NTRK3: variants seen among roughly 807,000 people sequenced by gnomAD.
NTRK3 encodes NT-3 growth factor receptor.
Under a neutral mutation model 91.7 loss-of-function variants are expected in NTRK3, and 24 were observed. That is an observed-to-expected ratio of 0.26 (90% CI 0.19 to 0.37). The LOEUF (loss-of-function observed/expected upper bound fraction) is 0.37, where lower values mean the gene tolerates loss of function less well. Ranked by LOEUF, NTRK3 falls within the 10% of genes least tolerant of loss-of-function variation. NTRK3 has a pLI of 1.00. For synonymous variants in NTRK3, 483 were observed against 404.0 expected (o/e 1.20, Z -2.34); for missense variants, 880 against 1,068.9 (o/e 0.82, Z 2.46).
chr15:88,091,585 A>G (rs551665262), intron 13 of NTRK3, among the ~76,000 whole-genome samples: 1 of 152,274 alleles, frequency 6.6e-6, no homozygotes, highest in South Asian at 2.1e-4. Context: ...GATCACACAC[A>G]TGAATTAGTG....
At chr15:88,159,723 A>G (rs1207168084) in intron 5 of NTRK3, among the ~76,000 whole-genome samples, 1 of 152,126 alleles carries the variant, frequency 6.6e-6, no homozygotes, top group Non-Finnish European at 1.5e-5. Flanking sequence ...CTGGGAACAA[A>G]TGCCATTGTT....
intron 13 of NTRK3, among the ~76,000 whole-genome samples, chr15:88,125,093 C>A (rs771063256): frequency 3.0e-4 from 45 of 152,224 alleles, no homozygotes; most frequent in Admixed American, 5.9e-4. Context: ...AATCTTCCCA[C>A]CTCAGCCTCC....
intron 5 of NTRK3, among the ~76,000 whole-genome samples, chr15:88,177,515 G>C (rs748973365): frequency 6.6e-5 from 10 of 152,326 alleles, no homozygotes; most frequent in Admixed American, 1.3e-4. Flanking sequence ...GTAAAGGAAA[G>C]AGAGGCATCA....
chr15:88,153,181 C>A lies in NTRK3; in HGVS notation c.396-5778G>T, dbSNP rs1318955591. On this transcript the variant is annotated intron_variant, in intron 5 of 18. Coordinates refer to ENST00000394480, the Ensembl canonical transcript of NTRK3. ...CACAAAGACAGCATTTTGAAAGGTG[C>A]AATTCCCTCTTTCTTAAGATCTAAC... 2.6e-5 allele frequency among the ~76,000 whole-genome samples: 4 copies of A among 152,112 alleles called. No individual in the cohort carries two copies. The East Asian group carries it at 7.7e-4, about 29-fold the overall frequency.
intron 5 of NTRK3, among the ~76,000 whole-genome samples, chr15:88,180,324 A>G (rs1458383357): frequency 1.3e-5 from 2 of 152,222 alleles, no homozygotes; most frequent in African/African-American, 2.4e-5. Flanking sequence ...CTCTCAAAAA[A>G]GGGTTTCCCT....
chr15:88,039,003 A>C (rs192135605), intron 13 of NTRK3, among the ~76,000 whole-genome samples: 1 of 152,254 alleles, frequency 6.6e-6, no homozygotes, highest in East Asian at 1.9e-4. Context: ...AGGAGGGAAA[A>C]GTAATAGGGG....
chr15:87,913,409 A>G (rs1432610480), intron 17 of NTRK3, among the ~76,000 whole-genome samples: 2 of 152,140 alleles, frequency 1.3e-5, no homozygotes, highest in Non-Finnish European at 2.9e-5. Context: ...CTGAATTGAG[A>G]GCACTGCTCA....
At chr15:88,131,592 T>G (rs1451728696) in intron 10 of NTRK3, among the ~76,000 whole-genome samples, 3 of 152,192 alleles carry the variant, frequency 2.0e-5, no homozygotes, top group African/African-American at 7.2e-5. Context: ...TTTCAGAGCC[T>G]GAGAGAAGAG....
intron 14 of NTRK3, among the ~76,000 whole-genome samples, chr15:87,983,254 G>A (rs2074450831): frequency 6.6e-6 from 1 of 152,210 alleles, no homozygotes; most frequent in African/African-American, 2.4e-5. Context: ...TGCTGGCGCT[G>A]GGGCCCTGGG....
intron 17 of NTRK3, 22 bp from the exon 18 acceptor site, chr15:87,885,757 A>G (rs2065497935): frequency 8.9e-7 from 1 of 1,123,506 alleles, no homozygotes; most frequent in Non-Finnish European, 1.2e-6. Flanking sequence ...AAACAAAACA[A>G]TAATAATATT....
chr15:87,929,200 A>G (rs750907890), exon 17 of NTRK3: 1 of 1,614,108 alleles, frequency 6.2e-7, no homozygotes, highest in Non-Finnish European at 8.5e-7. Context: ...CCCTGTAATA[A>G]TCCGTGCTGT....
Position 88,018,788 on chromosome 15 carries a change from G to T in NTRK3, c.1585+14069C>A, listed in dbSNP as rs2077413816. ...TTATTATTATATTTAAACTGATTTT[G>T]GTGCCTAAGATATAAAAAGCACTAC... On this transcript the variant is annotated intron_variant, in intron 14 of 18. Coordinates refer to ENST00000394480, the Ensembl canonical transcript of NTRK3. Among the ~76,000 whole-genome samples, 3 of 152,192 alleles carry T rather than the reference G, an allele frequency of 2.0e-5. No homozygotes were observed. The South Asian group carries it at 6.2e-4, about 32-fold the overall frequency.
intron 14 of NTRK3, among the ~76,000 whole-genome samples, chr15:88,001,024 A>G (rs1228842442): frequency 1.3e-5 from 2 of 152,128 alleles, no homozygotes; most frequent in Non-Finnish European, 2.9e-5. Context: ...TTACTGTCCA[A>G]CATTTTTTAT....
At chr15:87,877,660 G>A (rs192485448) in intron 18 of NTRK3, among the ~76,000 whole-genome samples, 3 of 152,166 alleles carry the variant, frequency 2.0e-5, no homozygotes, top group African/African-American at 7.2e-5. Flanking sequence ...TCATTACATA[G>A]GACCCTTTTG....
exon 19 of NTRK3, chr15:87,867,711 G>C (rs2064722887): frequency 4.4e-6 from 1 of 228,630 alleles, no homozygotes; most frequent in Admixed American, 5.7e-5. Flanking sequence ...AATTCAATTT[G>C]AGTGTCTGAG....
intron 5 of NTRK3, among the ~76,000 whole-genome samples, chr15:88,182,861 C>A (rs1003279477): frequency 1.2e-4 from 18 of 152,056 alleles, no homozygotes; most frequent in African/African-American, 4.1e-4. Context: ...AGACAGGAAC[C>A]CCCACCCATA....
intron 14 of NTRK3, among the ~76,000 whole-genome samples, chr15:88,010,648 T>A (rs1330867939): frequency 6.6e-6 from 1 of 152,286 alleles, no homozygotes; most frequent in East Asian, 1.9e-4. Flanking sequence ...GAGAATTTTA[T>A]TTTTAAAATA....
chr15:87,893,916 A>C (rs1489277061), intron 17 of NTRK3, among the ~76,000 whole-genome samples: 1 of 152,238 alleles, frequency 6.6e-6, no homozygotes, highest in African/African-American at 2.4e-5. Context: ...CATGAAGTAC[A>C]TGAGAAAGCA....
At chr15:87,957,367 T>C (rs2071775305) in intron 14 of NTRK3, among the ~76,000 whole-genome samples, 1 of 152,192 alleles carries the variant, frequency 6.6e-6, no homozygotes, top group Non-Finnish European at 1.5e-5. Context: ...CGGGAGCATC[T>C]ACACACTACA....
Sources: allele counts gnomAD v4.1 joint callset (sites outside exome capture counted in the v4.1 genomes callset), GRCh38; gene constraint gnomAD v4.1.1; transcripts MANE v1.5; gene names NCBI Gene and HGNC (gene_info 2026-07-23, HGNC 2026-07-21).